The following XKR4 variants were observed in gnomAD, a reference collection of about 807,000 sequenced individuals.
XKR4 encodes the protein XK-related protein 4.
A neutral mutation model predicts 53.9 loss-of-function variants in XKR4; 12 were observed. The ratio of observed to expected loss-of-function variants is 0.22; its 90% CI spans 0.14 to 0.36. The LOEUF (loss-of-function observed/expected upper bound fraction) is 0.36, where lower values mean the gene tolerates loss of function less well. Ranked by LOEUF, XKR4 falls within the 10% of genes least tolerant of loss-of-function variation. The pLI is 1.00. For missense variants in XKR4, 799 were observed against 859.5 expected, an observed-to-expected ratio of 0.93 and a Z score of 0.88; for synonymous variants, 354 against 362.4, an observed-to-expected ratio of 0.98 and a Z score of 0.26.
At chr8:55,420,883 A>G (rs1804918908) in intron 2 of XKR4, among the ~76,000 whole-genome samples, 1 of 152,182 alleles carries the variant, frequency 6.6e-6, no homozygotes, top group Non-Finnish European at 1.5e-5. Flanking sequence ...ACACTTTTCT[A>G]TTTGGTTATC....
intron 1 of XKR4, among the ~76,000 whole-genome samples, chr8:55,280,144 A>G (rs1481001309): frequency 1.3e-5 from 2 of 152,224 alleles, no homozygotes. Flanking sequence ...GGTCTGTGTC[A>G]GGAGAGCACA....
chr8:55,433,329 G>T (rs1452194859), intron 2 of XKR4, among the ~76,000 whole-genome samples: 1 of 152,210 alleles, frequency 6.6e-6, no homozygotes, highest in East Asian at 1.9e-4. Flanking sequence ...AGCCTATACA[G>T]AAGTCGCTAA....
At position 55,226,583 on chromosome 8, in the gene XKR4, C is replaced by T. The variant is rs76044492; in HGVS notation, c.806+123289C>T. On this transcript the variant is annotated intron_variant, in intron 1 of 2. Transcript: ENST00000327381. ...CCAACCCATTTTTTAGAAATCCCTC[C>T]GAGATTCCTCCTTCCTCCTTAGAAC... Among the ~76,000 whole-genome samples, 411 of 152,230 alleles carry T rather than the reference C, an allele frequency of 2.7e-3. 5 individuals carry two copies. The highest frequency in any genetic ancestry group is 0.018 in the Admixed American group (277 of 15,298).
At chr8:55,286,213 A>G (rs1373955279) in intron 1 of XKR4, among the ~76,000 whole-genome samples, 1 of 152,214 alleles carries the variant, frequency 6.6e-6, no homozygotes, top group Non-Finnish European at 1.5e-5. Flanking sequence ...GAGAAAAAGA[A>G]TGGAGATCTT....
At chr8:55,133,933 A>G (rs1816590265) in intron 1 of XKR4, among the ~76,000 whole-genome samples, 1 of 152,242 alleles carries the variant, frequency 6.6e-6, no homozygotes, top group South Asian at 2.1e-4. Flanking sequence ...ATTGCTCAGA[A>G]GTGAAAACGT....
chr8:55,355,722 G>C (rs1195361128), intron 1 of XKR4, among the ~76,000 whole-genome samples: 3 of 152,092 alleles, frequency 2.0e-5, no homozygotes, highest in Admixed American at 6.5e-5. Flanking sequence ...AGATTTAAAG[G>C]GCTCAAATAA....
intron 1 of XKR4, among the ~76,000 whole-genome samples, chr8:55,344,907 T>TA (rs1157881235): frequency 6.6e-6 from 1 of 152,228 alleles, no homozygotes; most frequent in Non-Finnish European, 1.5e-5. Flanking sequence ...GAGATATGTA[T>TA]AAAATTTAAG....
At chr8:55,424,352 A>G (rs1214929362) in intron 2 of XKR4, among the ~76,000 whole-genome samples, 1 of 152,262 alleles carries the variant, frequency 6.6e-6, no homozygotes, top group Non-Finnish European at 1.5e-5. Context: ...AGTTAACATG[A>G]GCCAGAATGT....
chr8:55,455,197 G>T, intron 2 of XKR4: 1 of 460,830 alleles, frequency 2.2e-6, no homozygotes, highest in Non-Finnish European at 4.1e-6. Context: ...CGCGCTCATG[G>T]CCCGGGCCTG....
intron 2 of XKR4, among the ~76,000 whole-genome samples, chr8:55,512,123 C>T (rs1339807916): frequency 6.6e-6 from 1 of 152,226 alleles, no homozygotes; most frequent in Non-Finnish European, 1.5e-5. Flanking sequence ...CCCAGAGGCA[C>T]GCAGCTCCAG....
intron 1 of XKR4, among the ~76,000 whole-genome samples, chr8:55,300,055 G>A (rs1819165388): frequency 6.6e-6 from 1 of 152,170 alleles, no homozygotes; most frequent in South Asian, 2.1e-4. Context: ...GCTGTAGGTG[G>A]AGAACCACGA....
chr8:55,186,909 C>T (rs1817385896), intron 1 of XKR4, among the ~76,000 whole-genome samples: 1 of 151,694 alleles, frequency 6.6e-6, no homozygotes, highest in Non-Finnish European at 1.5e-5. Flanking sequence ...ATCTAGGGAA[C>T]AAGCAATTAT....
At chr8:55,414,336 C>G (rs1045063935) in intron 2 of XKR4, among the ~76,000 whole-genome samples, 7 of 152,176 alleles carry the variant, frequency 4.6e-5, no homozygotes, top group Middle Eastern at 6.8e-3. Flanking sequence ...TTCCTGGAAC[C>G]TACAGGAATT....
intron 1 of XKR4, among the ~76,000 whole-genome samples, chr8:55,322,965 T>G (rs1803238635): frequency 2.0e-5 from 3 of 152,194 alleles, no homozygotes; most frequent in Non-Finnish European, 4.4e-5. Flanking sequence ...TCATCTTGTA[T>G]TTTTTTCTCA....
rs146883131 is a variant in XKR4 at position 55,117,325 on chromosome 8, G to T, written c.806+14031G>T. 1.3e-3 allele frequency among the ~76,000 whole-genome samples: 198 copies of T among 152,212 alleles called. 1 individual carries two copies. The highest frequency in any genetic ancestry group is 4.7e-3 in the African/African-American group (194 of 41,534). On this transcript the variant is annotated intron_variant, in intron 1 of 2. Coordinates refer to ENST00000327381, the MANE Select transcript of XKR4 (RefSeq NM_052898.2). ...GTGAGTTATTTTGCTGCTGAGGCAG[G>T]TTTACTTAATGGATTTTGCAAATAA...
At chr8:55,307,938 T>A (rs1819328339) in intron 1 of XKR4, among the ~76,000 whole-genome samples, 1 of 152,102 alleles carries the variant, frequency 6.6e-6, no homozygotes, top group Non-Finnish European at 1.5e-5. Flanking sequence ...TATGTATTAG[T>A]CCATTCTCAC....
chr8:55,468,077 G>T (rs1805809476), intron 2 of XKR4, among the ~76,000 whole-genome samples: 1 of 152,012 alleles, frequency 6.6e-6, no homozygotes, highest in Non-Finnish European at 1.5e-5. Context: ...AATCAAATAG[G>T]ATTTCCAGTT....
intron 1 of XKR4, among the ~76,000 whole-genome samples, chr8:55,317,987 A>C (rs1803132492): frequency 6.6e-6 from 1 of 152,224 alleles, no homozygotes; most frequent in Non-Finnish European, 1.5e-5. Flanking sequence ...GTAGTACCAC[A>C]CTGTAATTCA....
chr8:55,149,828 G>A (rs1161714560), intron 1 of XKR4, among the ~76,000 whole-genome samples: 1 of 152,212 alleles, frequency 6.6e-6, no homozygotes, highest in African/African-American at 2.4e-5. Flanking sequence ...AGCATGTGGT[G>A]CTGGATCTAA....
Sources: allele counts gnomAD v4.1 joint callset (sites outside exome capture counted in the v4.1 genomes callset), GRCh38; gene constraint gnomAD v4.1.1; transcripts MANE v1.5; gene names NCBI Gene and HGNC (gene_info 2026-07-23, HGNC 2026-07-21).